Variants in LRP1B observed in about 807,000 individuals in gnomAD.
The protein encoded by LRP1B is LDL receptor related protein 1B, also known as low-density lipoprotein receptor-related protein 1B.
In LRP1B, 217 loss-of-function variants were observed where a neutral mutation model predicts 556.6. The observed-to-expected ratio is 0.39, with a 90% CI of 0.35 to 0.44. The LOEUF (loss-of-function observed/expected upper bound fraction) is 0.44. LRP1B is among the 20% of genes least tolerant of loss of function. The pLI is 1.00. For missense variants in LRP1B, 5,053 were observed against 5,620.8 expected (o/e 0.90, Z 3.23); for synonymous variants, 2,047 against 1,865.8 (o/e 1.10, Z -2.50).
intron 6 of LRP1B, among the ~76,000 whole-genome samples, chr2:141,213,100 T>G (rs1489347706): frequency 6.6e-6 from 1 of 151,328 alleles, no homozygotes; most frequent in Non-Finnish European, 1.5e-5. Flanking sequence ...CTGAGCACCA[T>G]CATCCTCAGC....
intron 6 of LRP1B, among the ~76,000 whole-genome samples, chr2:141,220,584 A>G (rs939202447): frequency 4.6e-5 from 7 of 151,444 alleles, no homozygotes; most frequent in Non-Finnish European, 4.4e-5. Flanking sequence ...CCATGAGAAG[A>G]TCAGCTCCAA....
chr2:141,236,015 A>G (rs780856876), intron 5 of LRP1B, among the ~76,000 whole-genome samples: 3 of 152,152 alleles, frequency 2.0e-5, no homozygotes, highest in Non-Finnish European at 2.9e-5. Flanking sequence ...GATCAAAACT[A>G]TGCTTTAAGA....
chr2:141,469,851 C>T (rs1392861190), intron 3 of LRP1B, among the ~76,000 whole-genome samples: 2 of 152,052 alleles, frequency 1.3e-5, no homozygotes, highest in African/African-American at 4.8e-5. Flanking sequence ...TAGCCATAGT[C>T]AACTGTCATC....
At chr2:141,878,470 A>G (rs1240149195) in intron 1 of LRP1B, among the ~76,000 whole-genome samples, 1 of 152,016 alleles carries the variant, frequency 6.6e-6, no homozygotes, top group African/African-American at 2.4e-5. Context: ...TTTTAACAGG[A>G]CCACATTAAA....
intron 60 of LRP1B, among the ~76,000 whole-genome samples, chr2:140,459,359 A>G (rs1368878450): frequency 3.3e-5 from 5 of 152,184 alleles, no homozygotes; most frequent in Non-Finnish European, 5.9e-5. Context: ...GAATAAAATA[A>G]AAATTTACAG....
At chr2:140,348,007 C>T (rs1193623820) in intron 77 of LRP1B, among the ~76,000 whole-genome samples, 1 of 151,850 alleles carries the variant, frequency 6.6e-6, no homozygotes, top group African/African-American at 2.4e-5. Context: ...ATACATAAGA[C>T]AGATTTCAGA....
chr2:140,367,974 AAAG>A (rs1682837761), intron 71 of LRP1B, among the ~76,000 whole-genome samples: 1 of 151,814 alleles, frequency 6.6e-6, no homozygotes, highest in Non-Finnish European at 1.5e-5. Flanking sequence ...GATTTATTTA[AAAG>A]AAGAGAACTA....
intron 72 of LRP1B, among the ~76,000 whole-genome samples, chr2:140,364,018 A>G (rs887544938): frequency 2.0e-5 from 3 of 151,690 alleles, no homozygotes; most frequent in African/African-American, 7.3e-5. Context: ...CTGATCTAAA[A>G]TTAGACTTTT....
At chr2:140,540,111 A>C (rs2105013987) in intron 45 of LRP1B, among the ~76,000 whole-genome samples, 1 of 152,218 alleles carries the variant, frequency 6.6e-6, no homozygotes, top group African/African-American at 2.4e-5. Flanking sequence ...GAAGATGAAG[A>C]TGAAAAATAC....
intron 7 of LRP1B, among the ~76,000 whole-genome samples, chr2:141,165,071 T>C (rs1295725072): frequency 2.6e-5 from 4 of 152,052 alleles, no homozygotes; most frequent in African/African-American, 7.2e-5. Flanking sequence ...TCTTCATTGA[T>C]AGATAGCTCT....
At chr2:141,502,183 G>A (rs1423927237) in intron 2 of LRP1B, among the ~76,000 whole-genome samples, 1 of 152,158 alleles carries the variant, frequency 6.6e-6, no homozygotes, top group African/African-American at 2.4e-5. Flanking sequence ...ACAGTTTCAG[G>A]ATTTTTCATT....
chr2:140,583,171 C>CTTTTCTTTTTTTTTTTTTTTT (rs1553491151), intron 43 of LRP1B, among the ~76,000 whole-genome samples: 1 of 48,024 alleles, frequency 2.1e-5, no homozygotes, highest in African/African-American at 6.2e-5. Flanking sequence ...CCTTTTTTTT[C>CTTTTCTTTTTTTTTTTTTTTT]TTTTTTTTTT....
At chr2:141,543,440 G>A (rs13026404) in intron 2 of LRP1B, among the ~76,000 whole-genome samples, 79,855 of 149,636 alleles carry the variant, frequency 0.53, 22,236 homozygotes, top group South Asian at 0.62. Context: ...GCTTCAGCCC[G>A]GGAGGCTGAA....
intron 35 of LRP1B, among the ~76,000 whole-genome samples, chr2:140,741,214 G>A (rs1573648952): frequency 6.6e-6 from 1 of 152,080 alleles, no homozygotes; most frequent in Non-Finnish European, 1.5e-5. Flanking sequence ...CACATTTCCA[G>A]GGCAAGCAGA....
At chr2:140,933,681 A>G (rs916507408) in intron 20 of LRP1B, among the ~76,000 whole-genome samples, 1 of 152,120 alleles carries the variant, frequency 6.6e-6, no homozygotes, top group Admixed American at 6.6e-5. Flanking sequence ...AAAAAAGCTA[A>G]ATTTATCCAG....
chr2:140,422,808 A>T (rs1355128558), intron 66 of LRP1B, among the ~76,000 whole-genome samples: 1 of 152,192 alleles, frequency 6.6e-6, no homozygotes, highest in Admixed American at 6.5e-5. Flanking sequence ...GATGACCTCC[A>T]TTGACCATTT....
intron 59 of LRP1B, among the ~76,000 whole-genome samples, chr2:140,478,853 G>A (rs998279173): frequency 2.6e-5 from 4 of 151,920 alleles, no homozygotes; most frequent in African/African-American, 7.3e-5. Context: ...TGTAGCAAGT[G>A]TTCAGCAAAT....
At chr2:141,713,145 C>T (rs1303220909) in intron 2 of LRP1B, among the ~76,000 whole-genome samples, 2 of 150,542 alleles carry the variant, frequency 1.3e-5, no homozygotes, top group African/African-American at 4.9e-5. Context: ...ACCTTGGCCT[C>T]CCAAAGTGCT....
intron 3 of LRP1B, among the ~76,000 whole-genome samples, chr2:141,427,603 A>G (rs1184965594): frequency 1.3e-5 from 2 of 152,184 alleles, no homozygotes; most frequent in African/African-American, 4.8e-5. Flanking sequence ...TAATTGTTTC[A>G]TATATATGTA....
Sources: gnomAD v4.1 joint callset for allele counts (sites outside exome capture counted in the v4.1 genomes callset) on GRCh38, gnomAD v4.1.1 for gene constraint, MANE v1.5 for transcripts, NCBI Gene and HGNC (gene_info 2026-07-23, HGNC 2026-07-21) for gene names.